NLRP11: variants seen among roughly 807,000 people sequenced by gnomAD.
NLRP11 encodes the protein NACHT, LRR and PYD domains-containing protein 11.
Under a neutral mutation model 79.3 loss-of-function variants are expected in NLRP11, and 53 were observed. The ratio of observed to expected loss-of-function variants is 0.67; its 90% CI spans 0.54 to 0.84. NLRP11 has a LOEUF of 0.84. NLRP11 is among the 40% of genes least tolerant of loss of function. The probability of loss-of-function intolerance (pLI) is 0.00; values close to 1 mark genes in which losing one functional copy is unlikely to be tolerated. For missense variants in NLRP11, 1,264 were observed against 1,255.0 expected (o/e 1.01, Z -0.11); for synonymous variants, 518 against 462.6 (o/e 1.12, Z -1.54).
intron 5 of NLRP11, among the ~76,000 whole-genome samples, chr19:55,797,006 C>T (rs1344400204): frequency 1.3e-5 from 2 of 151,530 alleles, no homozygotes; most frequent in African/African-American, 4.9e-5. Context: ...CTATTCATTA[C>T]TCATTCTGTA....
chr19:55,785,871 C>T, exon 10 of NLRP11: 1 of 1,611,006 alleles, frequency 6.2e-7, no homozygotes, highest in Non-Finnish European at 8.5e-7. Context: ...TTAATGGAAG[C>T]CTGAAGGAAA....
chr19:55,789,131 T>C (rs191115555), intron 8 of NLRP11, 98 bp downstream of exon 8: 2 of 1,412,212 alleles, frequency 1.4e-6, no homozygotes, highest in East Asian at 2.3e-5. Context: ...ACTAGACTAT[T>C]ATGTCCGAGG....
intron 1 of NLRP11, among the ~76,000 whole-genome samples, chr19:55,829,670 A>T (rs1405696054): frequency 1.4e-4 from 21 of 150,954 alleles, no homozygotes; most frequent in Middle Eastern, 3.5e-3. Context: ...AAAAAAAAAA[A>T]AAAAAAAAAA....
At chr19:55,807,754 C>T (rs1007520778) in intron 4 of NLRP11, 99 bp downstream of exon 4, 2 of 774,510 alleles carry the variant, frequency 2.6e-6, no homozygotes, top group Non-Finnish European at 4.1e-6. Context: ...TGAGCCTGAC[C>T]TGAAAGTGTG....
intron 2 of NLRP11, among the ~76,000 whole-genome samples, chr19:55,815,544 AAG>A (rs1981034885): frequency 6.6e-6 from 1 of 151,758 alleles, no homozygotes; most frequent in Non-Finnish European, 1.5e-5. Flanking sequence ...AAAAAAAAAA[AAG>A]AATTTAGCAA....
intron 2 of NLRP11, among the ~76,000 whole-genome samples, chr19:55,816,898 T>C (rs1981172829): frequency 6.6e-6 from 1 of 152,214 alleles, no homozygotes; most frequent in African/African-American, 2.4e-5. Context: ...AATCTATCCC[T>C]GGTCCTCATG....
At chr19:55,796,897 C>T (rs1204559724) in intron 5 of NLRP11, among the ~76,000 whole-genome samples, 1 of 152,100 alleles carries the variant, frequency 6.6e-6, no homozygotes, top group Non-Finnish European at 1.5e-5. Flanking sequence ...CCATGTTGGC[C>T]AGGCTGGTCT....
chr19:55,828,983 C>T (rs1413894153), intron 1 of NLRP11, among the ~76,000 whole-genome samples: 1 of 152,166 alleles, frequency 6.6e-6, no homozygotes, highest in East Asian at 1.9e-4. Flanking sequence ...AGATATAGAA[C>T]TTGAAGAGAC....
intron 4 of NLRP11, among the ~76,000 whole-genome samples, chr19:55,805,780 T>C (rs1979931807): frequency 6.6e-6 from 1 of 152,156 alleles, no homozygotes; most frequent in South Asian, 2.1e-4. Flanking sequence ...CCTCAAGTGA[T>C]CCACCCGCCT....
At chr19:55,795,783 C>T (rs75365886) in intron 6 of NLRP11, among the ~76,000 whole-genome samples, 1,811 of 152,152 alleles carry the variant, frequency 0.012, 16 homozygotes, top group Non-Finnish European at 0.018. Context: ...CCACCGCGTC[C>T]GGCCGTGACC....
In NLRP11 at chr19:55,809,430, G is replaced by A. The variant is rs754301186; in HGVS notation, c.1180C>T (p.Leu394=). 8.1e-6 allele frequency: 13 copies of A among 1,614,186 alleles called. No homozygotes were observed. The highest frequency in any genetic ancestry group is 1.7e-5 in the Admixed American group (1 of 60,026). The change falls in exon 3 of 10, where the codon CTA becomes TTA. Residue 394 remains leucine (L), a synonymous_variant. Coordinates refer to ENST00000589093, the Ensembl canonical transcript of NLRP11. This position sits in a 1 kb window ranked among gnomAD's most constrained non-coding sequence, Gnocchi z 4.5. ...GCAGCCAGCAAACACAGACGTTTTA[G>A]GAGACCTAGGTGATACTGATTGGCA...
rs765538955 is a variant in NLRP11 at position 55,818,040 on chromosome 19, T to C, written c.135A>G (p.Ile45Met). 4.3e-6 allele frequency: 7 copies of C among 1,614,196 alleles called. No individual in the cohort carries two copies. In the South Asian group the frequency reaches 7.7e-5, roughly 18 times the overall value. ...TAGCCAGTTCTTCTTTTGTCATCTGTATCAGTGGAAACTGTGGCAGTTTGA... is the reference window on the plus strand; with the variant it reads ...TAGCCAGTTCTTCTTTTGTCATCTGCATCAGTGGAAACTGTGGCAGTTTGA... Residue 45 changes from isoleucine to methionine, a missense_variant, in exon 2 of 10, where the codon ATA becomes ATG. Ile to Met is a conservative substitution (Grantham distance 10, BLOSUM62 1). Coordinates refer to ENST00000589093, the Ensembl canonical transcript of NLRP11.
rs1330102499 is a variant in NLRP11, at chr19:55,819,785, G to A, written c.-62-1549C>T. Among the ~76,000 whole-genome samples the A allele has an allele frequency of 3.9e-5, 6 of 152,128 alleles. No homozygotes were observed. In the South Asian group the frequency reaches 6.2e-4, roughly 16 times the overall value. On this transcript the variant is annotated intron_variant, in intron 1 of 9. Coordinates refer to ENST00000589093, the Ensembl canonical transcript of NLRP11. ...CTAGGTTGTTGGGCGTAAAGAAACC[G>A]CCAGTGAAGCTGATAAGATGCACCA...
chr19:55,833,486 C>T (rs1172321193), upstream of NLRP11, among the ~76,000 whole-genome samples: 1 of 151,930 alleles, frequency 6.6e-6, no homozygotes, highest in Non-Finnish European at 1.5e-5. Flanking sequence ...TATTGGTTGG[C>T]CGGGGGCGGT....
At chr19:55,786,794 A>G (rs1412770662) in intron 9 of NLRP11, among the ~76,000 whole-genome samples, 2 of 152,238 alleles carry the variant, frequency 1.3e-5, no homozygotes, top group East Asian at 3.8e-4. Flanking sequence ...GGAATTAGAT[A>G]ATAGAATAAA....
intron 5 of NLRP11, among the ~76,000 whole-genome samples, chr19:55,796,767 A>T (rs181706233): frequency 6.6e-6 from 1 of 151,190 alleles, no homozygotes; most frequent in Non-Finnish European, 1.5e-5. Flanking sequence ...GCTCACTGCA[A>T]CCTCTGCCTC....
chr19:55,799,807 A>C (rs1200134915), intron 5 of NLRP11, among the ~76,000 whole-genome samples: 5 of 152,074 alleles, frequency 3.3e-5, no homozygotes, highest in Non-Finnish European at 5.9e-5. Flanking sequence ...TCTCTACTAA[A>C]AACACAAAAA....
rs1555803816 is a variant in NLRP11, at chr19:55,817,820, G to GGAAAAAAAAAA, written c.271+83_271+84insTTTTTTTTTTC. On this transcript the variant is annotated intron_variant, in intron 2 of 9. Coordinates refer to ENST00000589093, the Ensembl canonical transcript of NLRP11. The stretch of plus-strand genomic sequence containing the variant: ...CACCTGCTTCCCAGAAACCTATTTA[G>GGAAAAAAAAAA]AAAAAAAAAAAAAAAAAGGCCCAAC... The GGAAAAAAAAAA allele has an allele frequency of 1.3e-5, 11 of 836,778 alleles. 2 individuals are homozygous for GGAAAAAAAAAA. Among genetic ancestry groups the GGAAAAAAAAAA allele is most frequent in the African/African-American group, 5.9e-5 (3 of 51,176 alleles). 51.8% of individuals were successfully genotyped at this position (836,778 alleles called of 1,614,324 possible). A position where few individuals can be genotyped will look rare whatever the true frequency, so the allele number is the denominator to read the frequency against.
intron 6 of NLRP11, among the ~76,000 whole-genome samples, chr19:55,795,766 G>A (rs1256681144): frequency 6.6e-6 from 1 of 151,988 alleles, no homozygotes. Flanking sequence ...GGAATTACAG[G>A]CGTGAGCCAC....
Sources: allele counts gnomAD v4.1 joint callset (sites outside exome capture counted in the v4.1 genomes callset), GRCh38; gene constraint gnomAD v4.1.1; non-coding constraint Gnocchi (gnomAD v3.1); transcripts MANE v1.5; gene names NCBI Gene and HGNC (gene_info 2026-07-23, HGNC 2026-07-21).